Variants in GRIN2A observed in about 807,000 individuals in gnomAD.
GRIN2A encodes glutamate receptor ionotropic, NMDA 2A.
A neutral mutation model predicts 113.4 loss-of-function variants in GRIN2A; 22 were observed. That is an observed-to-expected ratio of 0.19 (90% CI 0.14 to 0.28). The LOEUF (loss-of-function observed/expected upper bound fraction) is 0.28. Ranked by LOEUF, GRIN2A falls within the 10% of genes least tolerant of loss-of-function variation. GRIN2A has a pLI of 1.00. For synonymous variants in GRIN2A, 827 were observed against 738.4 expected, an observed-to-expected ratio of 1.12 and a Z score of -1.94; for missense variants, 1,502 against 1,887.0, an observed-to-expected ratio of 0.80 and a Z score of 3.78.
chr16:10,105,045 C>T (rs528221842), intron 2 of GRIN2A, among the ~76,000 whole-genome samples: 5 of 152,228 alleles, frequency 3.3e-5, no homozygotes, highest in East Asian at 1.9e-4. Flanking sequence ...TCTTCTTTGC[C>T]GAGATTAAAG....
intron 2 of GRIN2A, among the ~76,000 whole-genome samples, chr16:10,134,931 C>T (rs543171317): frequency 1.3e-4 from 6 of 46,992 alleles, no homozygotes; most frequent in Middle Eastern, 0.018. Context: ...ATCTTTCCAA[C>T]GAACTAGCAA....
chr16:9,764,568 G>T lies in GRIN2A; in HGVS notation c.2976C>A (p.Asn992Lys), dbSNP rs916022207. The T allele has an allele frequency of 6.2e-7, 1 of 1,614,006 alleles. No homozygotes were observed. Among genetic ancestry groups the T allele is most frequent in the Admixed American group, 1.7e-5 (1 of 60,030 alleles). ...TCACGGCCACCTCCACCGTGTTAGGGTTGGACTCATTGAGAGTAAGAGGAT... is the reference window on the plus strand; with the variant it reads ...TCACGGCCACCTCCACCGTGTTAGGTTTGGACTCATTGAGAGTAAGAGGAT... Reference protein sequence around the residue: ...GQHPLTLNESNPNTVEVAVST... With the variant: ...GQHPLTLNESKPNTVEVAVST... Residue 992 changes from asparagine to lysine, a missense_variant, in exon 13 of 13, where the codon AAC becomes AAA. Asn to Lys is a moderately conservative substitution (Grantham distance 94). Transcript: ENST00000330684.
At chr16:10,047,243 C>T (rs1359790713) in intron 2 of GRIN2A, among the ~76,000 whole-genome samples, 1 of 152,150 alleles carries the variant, frequency 6.6e-6, no homozygotes, top group East Asian at 1.9e-4. Context: ...ACAACCACAA[C>T]CATTATTTGG....
chr16:9,990,724 T>C (rs1240949406), intron 2 of GRIN2A, among the ~76,000 whole-genome samples: 1 of 152,058 alleles, frequency 6.6e-6, no homozygotes, highest in East Asian at 1.9e-4. Flanking sequence ...AAATTTCGCC[T>C]AACAGAGTTT....
At chr16:9,882,029 A>G (rs1385083012) in intron 4 of GRIN2A, among the ~76,000 whole-genome samples, 1 of 151,954 alleles carries the variant, frequency 6.6e-6, no homozygotes, top group South Asian at 2.1e-4. Flanking sequence ...TTTGAAGACT[A>G]CTGATATCTC....
At chr16:10,112,740 A>G in intron 2 of GRIN2A, 1 of 729,624 alleles carries the variant, frequency 1.4e-6, no homozygotes, top group Non-Finnish European at 2.5e-6. Context: ...GTCCATTCAG[A>G]AGTTTGTGCC....
chr16:10,165,793 A>G, intron 2 of GRIN2A, among the ~76,000 whole-genome samples: 1 of 140,086 alleles, frequency 7.1e-6, no homozygotes, highest in African/African-American at 2.7e-5. Context: ...AGGAGTGGAG[A>G]AGGGAGGGGA....
intron 2 of GRIN2A, among the ~76,000 whole-genome samples, chr16:10,170,919 T>C (rs2050028997): frequency 6.6e-6 from 1 of 151,822 alleles, no homozygotes; most frequent in Non-Finnish European, 1.5e-5. Context: ...ACACCTTTAA[T>C]ATATACAATT....
intron 2 of GRIN2A, among the ~76,000 whole-genome samples, chr16:9,955,119 A>G (rs1271146423): frequency 6.6e-6 from 1 of 152,216 alleles, no homozygotes; most frequent in Non-Finnish European, 1.5e-5. Context: ...CTCTCTCAAC[A>G]GCCTGAGCTT....
chr16:10,042,502 G>A (rs528928924), intron 2 of GRIN2A, among the ~76,000 whole-genome samples: 1 of 152,224 alleles, frequency 6.6e-6, no homozygotes, highest in South Asian at 2.1e-4. Flanking sequence ...TGCACCTCTG[G>A]CCAATGTACT....
intron 2 of GRIN2A, among the ~76,000 whole-genome samples, chr16:10,095,659 T>A (rs75493650): frequency 0.033 from 4,957 of 152,074 alleles, 123 homozygotes; most frequent in African/African-American, 0.065. Flanking sequence ...TAGTGCAGGT[T>A]TCTAAGCAGG....
rs1423972525 is a variant in GRIN2A at position 10,112,946 on chromosome 16, C to T, written c.414+67052G>A. ...CCCCAGTGTCCACCTTCGGGCACAACCTCTCTCCATAACTGAGTGGTCCAC... is the reference window on the plus strand; with the variant it reads ...CCCCAGTGTCCACCTTCGGGCACAATCTCTCTCCATAACTGAGTGGTCCAC... On this transcript the variant is annotated intron_variant, in intron 2 of 12. Transcript: ENST00000330684. 6.5e-5 allele frequency: 25 copies of T among 386,448 alleles called. 2 individuals carry two copies. Among genetic ancestry groups the T allele is most frequent in the Middle Eastern group, 8.9e-4 (1 of 1,118 alleles). The allele number at this position is 386,448 out of a possible 1,614,324, so 23.9% of individuals were successfully genotyped here. A position where few individuals can be genotyped will look rare whatever the true frequency, so the allele number is the denominator to read the frequency against.
chr16:10,071,416 G>C (rs2047748152), intron 2 of GRIN2A, among the ~76,000 whole-genome samples: 1 of 152,150 alleles, frequency 6.6e-6, no homozygotes, highest in Non-Finnish European at 1.5e-5. Flanking sequence ...GGAGTCTTAC[G>C]GGACGAGCCA....
At chr16:9,941,676 A>C (rs867394656) in intron 2 of GRIN2A, among the ~76,000 whole-genome samples, 1 of 151,052 alleles carries the variant, frequency 6.6e-6, no homozygotes, top group Non-Finnish European at 1.5e-5. Flanking sequence ...GATGGGGGGG[A>C]AAAAAAACAC....
chr16:10,161,952 A>G (rs1327920974), intron 2 of GRIN2A, among the ~76,000 whole-genome samples: 1 of 152,168 alleles, frequency 6.6e-6, no homozygotes, highest in Non-Finnish European at 1.5e-5. Flanking sequence ...CTAATCCAGA[A>G]CAGTCTCTCC....
chr16:9,944,533 C>T (rs189831902), intron 2 of GRIN2A, among the ~76,000 whole-genome samples: 29 of 152,244 alleles, frequency 1.9e-4, no homozygotes, highest in Non-Finnish European at 7.4e-5. Flanking sequence ...TGGGCATATC[C>T]AATATGTAGC....
chr16:9,790,613 C>T (rs1282384463), intron 11 of GRIN2A, among the ~76,000 whole-genome samples: 5 of 152,092 alleles, frequency 3.3e-5, no homozygotes, highest in Non-Finnish European at 7.4e-5. Context: ...GAATTTGCCT[C>T]TATCTTGTGG....
intron 10 of GRIN2A, among the ~76,000 whole-genome samples, chr16:9,819,424 G>A (rs1409986354): frequency 6.6e-6 from 1 of 151,856 alleles, no homozygotes; most frequent in East Asian, 1.9e-4. Context: ...AGGAGGCTGA[G>A]GTGGGATGAT....
At chr16:10,108,491 T>C (rs542641646) in intron 2 of GRIN2A, among the ~76,000 whole-genome samples, 1 of 152,260 alleles carries the variant, frequency 6.6e-6, no homozygotes, top group African/African-American at 2.4e-5. Context: ...GCCTCAAGAA[T>C]CACACAGCTG....
Sources: gnomAD v4.1 joint callset for allele counts (sites outside exome capture counted in the v4.1 genomes callset) on GRCh38, gnomAD v4.1.1 for gene constraint, MANE v1.5 for transcripts, NCBI Gene and HGNC (gene_info 2026-07-23, HGNC 2026-07-21) for gene names.